Variants in TSGA10 observed in about 807,000 individuals in gnomAD.
TSGA10 encodes testis specific 10.
A neutral mutation model predicts 96.6 loss-of-function variants in TSGA10; 43 were observed. The observed-to-expected ratio is 0.44, with a 90% CI of 0.35 to 0.57. TSGA10 has a LOEUF of 0.57. Ranked by LOEUF, TSGA10 falls within the 20% of genes least tolerant of loss-of-function variation. The pLI, the probability that TSGA10 is intolerant of heterozygous loss-of-function variation, is 0.01. For missense variants in TSGA10, 703 were observed against 834.4 expected (o/e 0.84, Z 1.94); for synonymous variants, 229 against 269.9 (o/e 0.85, Z 1.48).
chr2:99,086,173 T>C (rs1272140099), intron 10 of TSGA10, among the ~76,000 whole-genome samples: 2 of 151,954 alleles, frequency 1.3e-5, no homozygotes, highest in Non-Finnish European at 2.9e-5. Context: ...AACTTAAAAG[T>C]TGAAAAGTAA....
intron 16 of TSGA10, among the ~76,000 whole-genome samples, chr2:99,047,772 A>C (rs2082949223): frequency 6.6e-6 from 1 of 152,196 alleles, no homozygotes; most frequent in Non-Finnish European, 1.5e-5. Flanking sequence ...GAAAAGAGGA[A>C]GTCAAATTGT....
intron 10 of TSGA10, among the ~76,000 whole-genome samples, chr2:99,088,036 G>A (rs2088776442): frequency 6.6e-6 from 1 of 152,168 alleles, no homozygotes; most frequent in South Asian, 2.1e-4. Context: ...ATGGAACAAA[G>A]TAAACTCTTA....
intron 17 of TSGA10, among the ~76,000 whole-genome samples, chr2:99,022,906 T>C (rs1471227092): frequency 2.6e-5 from 4 of 152,236 alleles, no homozygotes; most frequent in Admixed American, 2.6e-4. Context: ...TGGTTTTGAT[T>C]TGCATTTTTC....
chr2:99,108,663 A>G (rs1049173940), intron 7 of TSGA10, among the ~76,000 whole-genome samples, 170 bp downstream of exon 7: 3 of 152,124 alleles, frequency 2.0e-5, no homozygotes, highest in African/African-American at 7.2e-5. Flanking sequence ...TACCTACTGT[A>G]TTGGAAATGT....
At chr2:99,026,397 T>C (rs1176553060) in intron 17 of TSGA10, among the ~76,000 whole-genome samples, 1 of 152,068 alleles carries the variant, frequency 6.6e-6, no homozygotes, top group East Asian at 1.9e-4. Context: ...ACAACAAAAA[T>C]ATACAGTCAG....
intron 11 of TSGA10, 39 bp downstream of exon 11, chr2:99,081,243 A>T: frequency 8.3e-7 from 1 of 1,205,766 alleles, no homozygotes; most frequent in Non-Finnish European, 1.2e-6. Flanking sequence ...TACCAAACTT[A>T]AGAAAAACTA....
At chr2:99,051,609 A>G (rs918591329) in intron 16 of TSGA10, among the ~76,000 whole-genome samples, 1 of 152,134 alleles carries the variant, frequency 6.6e-6, no homozygotes, top group Non-Finnish European at 1.5e-5. Context: ...GAAGACTTAA[A>G]CAACATTATA....
chr2:99,103,820 ACT>A (rs1167633931), intron 10 of TSGA10, 145 bp downstream of exon 10: 8 of 854,856 alleles, frequency 9.4e-6, no homozygotes, highest in Admixed American at 3.1e-5. Context: ...AAAATTGTTC[ACT>A]GTGTGCCAAG....
chr2:99,096,237 T>C (rs2090020456), intron 10 of TSGA10, among the ~76,000 whole-genome samples: 1 of 152,232 alleles, frequency 6.6e-6, no homozygotes, highest in Non-Finnish European at 1.5e-5. Flanking sequence ...CAAGAGTAGT[T>C]TGAACAGTGC....
At chr2:99,145,931 A>G (rs1290489323) in intron 1 of TSGA10, among the ~76,000 whole-genome samples, 1 of 152,182 alleles carries the variant, frequency 6.6e-6, no homozygotes, top group African/African-American at 2.4e-5. Flanking sequence ...CAGGCATTCG[A>G]GACCAGCCTG....
At chr2:99,019,365 C>CCACCAATCT in intron 18 of TSGA10, among the ~76,000 whole-genome samples, 1 of 152,288 alleles carries the variant, frequency 6.6e-6, no homozygotes, top group East Asian at 1.9e-4. Context: ...TGGCGTATTT[C>CCACCAATCT]ACAAAAGGTA....
intron 5 of TSGA10, 123 bp downstream of exon 5, chr2:99,110,727 T>C (rs2091731439): frequency 1.0e-5 from 2 of 200,512 alleles, no homozygotes; most frequent in South Asian, 3.5e-4. Flanking sequence ...TTGGTGCAGA[T>C]TTTAGAAAAC....
At chr2:99,086,999 T>C (rs10167390) in intron 10 of TSGA10, among the ~76,000 whole-genome samples, 64,006 of 151,434 alleles carry the variant, frequency 0.42, 16,366 homozygotes, top group African/African-American at 0.72. Flanking sequence ...GGTCAGGAGA[T>C]TGAGACCATC....
chr2:99,071,888 C>T lies in TSGA10; in HGVS notation c.939-14G>A, dbSNP rs1471410552. On this transcript the variant is annotated splice_polypyrimidine_tract_variant and intron_variant, in intron 13 of 20. Transcript: ENST00000393483. ...TCAGTACACTGTCTATTCCACAAAT[C>T]AAAGAGTACATAAGAAGAGACATTT... 1 of 1,603,504 alleles carries T rather than the reference C, an allele frequency of 6.2e-7. No homozygotes were observed. Among genetic ancestry groups the T allele is most frequent in the African/African-American group, 1.3e-5 (1 of 74,306 alleles).
At chr2:99,027,993 T>C (rs944490427) in intron 17 of TSGA10, among the ~76,000 whole-genome samples, 3 of 152,210 alleles carry the variant, frequency 2.0e-5, no homozygotes, top group African/African-American at 7.2e-5. Context: ...CTGTTTCCCT[T>C]GCGGTATATA....
At chr2:99,067,272 T>TA (rs1162139881) in intron 15 of TSGA10, among the ~76,000 whole-genome samples, 1 of 152,224 alleles carries the variant, frequency 6.6e-6, no homozygotes, top group Non-Finnish European at 1.5e-5. Context: ...CTTGATGGTC[T>TA]ATCCCTATCA....
rs904774249 is a variant in TSGA10 at position 99,117,653 on chromosome 2, T to C, written c.-249A>G. ...AATCAATTCTTTACAAAGATGCTCA[T>C]TGTGGCTGGTTAAATCATCTACTTG... On this transcript the variant is annotated 5_prime_UTR_variant, in exon 4 of 21. An upstream start codon of the reference 5' UTR is lost. Coordinates refer to ENST00000393483, the MANE Select transcript of TSGA10 (RefSeq NM_025244.4). The C allele has an allele frequency of 1.2e-5, 12 of 985,866 alleles. No homozygotes were observed. The highest frequency in any genetic ancestry group is 5.2e-4 in the Middle Eastern group (1 of 1,914). 61.1% of individuals were successfully genotyped at this position (985,866 alleles called of 1,614,324 possible). A position where few individuals can be genotyped will look rare whatever the true frequency, so the allele number is the denominator to read the frequency against.
At chr2:99,086,059 T>C (rs1220347981) in intron 10 of TSGA10, among the ~76,000 whole-genome samples, 2 of 152,126 alleles carry the variant, frequency 1.3e-5, no homozygotes, top group Non-Finnish European at 2.9e-5. Context: ...AAGGAAACAA[T>C]TGGTGCTAAA....
chr2:99,008,856 A>G (rs544518385), intron 20 of TSGA10, among the ~76,000 whole-genome samples: 1 of 152,194 alleles, frequency 6.6e-6, no homozygotes, highest in African/African-American at 2.4e-5. Context: ...GACTAAGGAG[A>G]ATCTCTATGA....
Sources: gnomAD v4.1 joint callset for allele counts (sites outside exome capture counted in the v4.1 genomes callset) on GRCh38, gnomAD v4.1.1 for gene constraint, MANE v1.5 for transcripts, NCBI Gene and HGNC (gene_info 2026-07-23, HGNC 2026-07-21) for gene names.